DMD: variants seen among roughly 807,000 people sequenced by gnomAD.
The protein encoded by DMD is mutant dystrophin.
In DMD, 63 loss-of-function variants were observed where a neutral mutation model predicts 330.1. The ratio of observed to expected loss-of-function variants is 0.19; its 90% CI spans 0.16 to 0.24. The LOEUF is 0.24. DMD is among the 10% of genes least tolerant of loss of function. The pLI is 1.00. For synonymous variants in DMD, 1,223 were observed against 959.8 expected, an observed-to-expected ratio of 1.27 and a Z score of -5.07; for missense variants, 3,344 against 2,684.1, an observed-to-expected ratio of 1.25 and a Z score of -5.43.
At chrX:32,386,169 T>G in intron 33 of DMD, 141 bp downstream of exon 33, 1 of 586,062 alleles carries the variant, frequency 1.7e-6, no homozygotes, top group Admixed American at 2.4e-5. Flanking sequence ...TATGTGTGTA[T>G]ATATATACGT....
intron 1 of DMD, among the ~76,000 whole-genome samples, chrX:33,264,939 A>G (rs763157359): frequency 1.1e-3 from 118 of 110,882 alleles, no homozygotes; most frequent in African/African-American, 3.8e-3. Context: ...TTTCATGTCT[A>G]CATTATGGAA....
chrX:32,632,639 G>A (rs1299343868), intron 11 of DMD, among the ~76,000 whole-genome samples: 1 of 110,565 alleles, frequency 9.0e-6, no homozygotes, highest in East Asian at 2.9e-4. Context: ...GCACCTGCAG[G>A]CTTATGGCTT....
At chrX:31,818,299 C>T (rs2092681254) in intron 50 of DMD, among the ~76,000 whole-genome samples, 1 of 112,079 alleles carries the variant, frequency 8.9e-6, no homozygotes, top group Non-Finnish European at 1.9e-5. Context: ...GTACTCGCAG[C>T]ACCAGTATGA....
intron 2 of DMD, among the ~76,000 whole-genome samples, chrX:32,991,283 C>A (rs970752019): frequency 1.8e-5 from 2 of 110,746 alleles, no homozygotes; most frequent in African/African-American, 3.3e-5. Context: ...AAAGTGCAAT[C>A]GTTTTCTTTC....
chrX:32,733,543 C>A (rs372266699), intron 7 of DMD, among the ~76,000 whole-genome samples: 1 of 111,170 alleles, frequency 9.0e-6, no homozygotes, highest in African/African-American at 3.3e-5. Context: ...TGTAGAAGAA[C>A]AGAAATTATA....
chrX:32,541,588 G>C (rs2048486201), intron 17 of DMD, among the ~76,000 whole-genome samples: 1 of 111,806 alleles, frequency 8.9e-6, no homozygotes, highest in African/African-American at 3.3e-5. Flanking sequence ...CTATAAGTGA[G>C]AGATAAACAC....
At chrX:31,481,833 T>C (rs1166403936) in intron 57 of DMD, among the ~76,000 whole-genome samples, 1 of 111,419 alleles carries the variant, frequency 9.0e-6, no homozygotes, top group Non-Finnish European at 1.9e-5. Flanking sequence ...ATGAAGCCCA[T>C]ACCTTGGAGA....
At chrX:31,914,337 A>C (rs1208244476) in intron 47 of DMD, among the ~76,000 whole-genome samples, 1 of 111,960 alleles carries the variant, frequency 8.9e-6, no homozygotes, top group Non-Finnish European at 1.9e-5. Flanking sequence ...TCCTCAAAAA[A>C]GTAAAAATAG....
At position 32,682,170 on chromosome X, in the gene DMD, T is replaced by G. The variant is rs16990582; in HGVS notation, c.960+15700A>C. 4.4e-3 allele frequency among the ~76,000 whole-genome samples: 491 copies of G among 111,869 alleles called. 4 individuals are homozygous for G. The highest frequency in any genetic ancestry group is 0.014 in the African/African-American group (446 of 30,829). ...TCAACATCTTCTCTACTTACTCAGT[T>G]TGTAAATTCCTTAAGGGCAATAATA... On this transcript the variant is annotated intron_variant, in intron 9 of 78. Coordinates refer to ENST00000357033, the MANE Select transcript of DMD (RefSeq NM_004006.3).
chrX:32,762,220 T>C (rs1364357196), intron 7 of DMD, among the ~76,000 whole-genome samples: 1 of 109,997 alleles, frequency 9.1e-6, no homozygotes, highest in African/African-American at 3.3e-5. Context: ...CTAGCTCTCC[T>C]GCAGGAGAGT....
chrX:33,067,511 G>T (rs5928166), intron 1 of DMD, among the ~76,000 whole-genome samples: 36,865 of 110,735 alleles, frequency 0.33, 4,627 homozygotes, highest in East Asian at 0.68. Context: ...GCAGTGTTTG[G>T]GAACTAACCT....
upstream of DMD, among the ~76,000 whole-genome samples, chrX:33,211,844 A>T (rs1398833934): frequency 8.9e-6 from 1 of 112,615 alleles, no homozygotes; most frequent in Non-Finnish European, 1.9e-5. Flanking sequence ...CTTTCATGTG[A>T]ATTTATTAAC....
intron 16 of DMD, among the ~76,000 whole-genome samples, chrX:32,561,412 T>A (rs1412411235): frequency 1.8e-5 from 2 of 111,344 alleles, no homozygotes; most frequent in Non-Finnish European, 3.8e-5. Flanking sequence ...TCTCAGAGCT[T>A]GAAGACTATC....
intron 17 of DMD, among the ~76,000 whole-genome samples, chrX:32,539,170 TTC>T (rs1440883182): frequency 1.5e-5 from 1 of 66,622 alleles, no homozygotes; most frequent in African/African-American, 5.8e-5. Context: ...AGATTTCTAT[TTC>T]TTTTTTTTTT....
intron 44 of DMD, among the ~76,000 whole-genome samples, chrX:32,128,546 CAT>C (rs2096672583): frequency 8.9e-6 from 1 of 112,009 alleles, no homozygotes; most frequent in African/African-American, 3.2e-5. Flanking sequence ...ATTCCCTAAA[CAT>C]AGCGTTTTAT....
intron 9 of DMD, among the ~76,000 whole-genome samples, chrX:32,648,741 A>C (rs1414097050): frequency 8.9e-6 from 1 of 112,184 alleles, no homozygotes; most frequent in Non-Finnish European, 1.9e-5. Context: ...AACGATGTTT[A>C]ATCTGAGAAT....
At chrX:32,044,512 C>T (rs1429541340) in intron 44 of DMD, among the ~76,000 whole-genome samples, 2 of 110,267 alleles carry the variant, frequency 1.8e-5, no homozygotes, top group African/African-American at 6.6e-5. Flanking sequence ...AGCTCTGCAT[C>T]CCAGGTTCAC....
At chrX:32,441,578 C>G (rs1220918072) in intron 27 of DMD, among the ~76,000 whole-genome samples, 1 of 110,701 alleles carries the variant, frequency 9.0e-6, no homozygotes, top group Non-Finnish European at 1.9e-5. Flanking sequence ...AAATAAGCAC[C>G]AACATTGCAG....
At chrX:32,177,384 G>T (rs1393876153) in intron 44 of DMD, among the ~76,000 whole-genome samples, 1 of 111,590 alleles carries the variant, frequency 9.0e-6, no homozygotes, top group African/African-American at 3.3e-5. Context: ...CTTTAGCTTG[G>T]TCTCTTGAAC....
Sources: allele counts gnomAD v4.1 joint callset (sites outside exome capture counted in the v4.1 genomes callset), GRCh38; gene constraint gnomAD v4.1.1; transcripts MANE v1.5; gene names NCBI Gene and HGNC (gene_info 2026-07-23, HGNC 2026-07-21).